Variants in ST6GALNAC3 observed in about 807,000 individuals in gnomAD.
ST6GALNAC3 encodes alpha-N-acetylgalactosaminide alpha-2,6-sialyltransferase 3.
Under a neutral mutation model 32.7 loss-of-function variants are expected in ST6GALNAC3, and 25 were observed. The observed-to-expected ratio is 0.76, with a 90% CI of 0.56 to 1.07. The LOEUF is 1.07. ST6GALNAC3 is among the 50% of genes least tolerant of loss of function. The pLI is 0.00. For missense variants in ST6GALNAC3, 355 were observed against 382.4 expected, an observed-to-expected ratio of 0.93 and a Z score of 0.60; for synonymous variants, 129 against 133.1, an observed-to-expected ratio of 0.97 and a Z score of 0.21.
rs189786457 is a variant in ST6GALNAC3, at chr1:76,529,356, T to C, written c.624-98096T>C. On this transcript the variant is annotated intron_variant, in intron 3 of 4. Coordinates refer to ENST00000328299, the MANE Select transcript of ST6GALNAC3 (RefSeq NM_152996.4). ...AAGCAGGAACCTTTTCTGTCTCACA[T>C]GGATGTTGTAGGGATTAATGAACTA... Among the ~76,000 whole-genome samples the C allele has an allele frequency of 3.9e-3, 589 of 152,282 alleles. 4 individuals carry two copies. The highest frequency in any genetic ancestry group is 0.014 in the African/African-American group (569 of 41,550).
At chr1:76,376,320 T>A (rs949512665) in intron 2 of ST6GALNAC3, among the ~76,000 whole-genome samples, 21 of 152,290 alleles carry the variant, frequency 1.4e-4, no homozygotes, top group Middle Eastern at 3.4e-3. Flanking sequence ...TGCCTTTGTG[T>A]ATTTGCATGT....
At chr1:76,536,487 A>G (rs1233554908) in intron 3 of ST6GALNAC3, among the ~76,000 whole-genome samples, 2 of 151,942 alleles carry the variant, frequency 1.3e-5, no homozygotes, top group African/African-American at 4.8e-5. Context: ...TCTCATGAGA[A>G]CTCACTCAAC....
At chr1:76,555,481 G>C (rs989207104) in intron 3 of ST6GALNAC3, among the ~76,000 whole-genome samples, 2 of 152,090 alleles carry the variant, frequency 1.3e-5, no homozygotes, top group South Asian at 2.1e-4. Context: ...ACAAATCAAT[G>C]TGAAGGGCCC....
intron 2 of ST6GALNAC3, among the ~76,000 whole-genome samples, chr1:76,348,435 T>C (rs887605166): frequency 1.3e-5 from 2 of 152,206 alleles, no homozygotes; most frequent in Non-Finnish European, 2.9e-5. Context: ...TCTGAAGTGC[T>C]ATGCCAACTT....
chr1:76,286,060 G>A (rs1659761003), intron 1 of ST6GALNAC3, among the ~76,000 whole-genome samples: 1 of 152,182 alleles, frequency 6.6e-6, no homozygotes. Context: ...TCTACTGGAA[G>A]GAGGCAGCCA....
intron 3 of ST6GALNAC3, among the ~76,000 whole-genome samples, chr1:76,496,659 C>T (rs1166481371): frequency 5.9e-5 from 9 of 152,046 alleles, no homozygotes; most frequent in African/African-American, 2.2e-4. Context: ...AGAGGACACC[C>T]ATCTCAAAAA....
At chr1:76,119,832 ATCCCTGTTTT>A (rs76813643) in intron 1 of ST6GALNAC3, among the ~76,000 whole-genome samples, 148,568 of 151,816 alleles carry the variant, frequency 0.98, 72,772 homozygotes, top group East Asian at 1. Context: ...GATAGATGTA[ATCCCTGTTTT>A]ATAGGTTTGG....
intron 3 of ST6GALNAC3, among the ~76,000 whole-genome samples, chr1:76,523,834 G>T (rs959023720): frequency 2.0e-5 from 3 of 151,952 alleles, no homozygotes; most frequent in Admixed American, 6.6e-5. Context: ...CCAATTTTTT[G>T]ACTCCAATCC....
chr1:76,420,966 T>G (rs778593588), intron 3 of ST6GALNAC3, among the ~76,000 whole-genome samples: 1 of 152,082 alleles, frequency 6.6e-6, no homozygotes, highest in Non-Finnish European at 1.5e-5. Context: ...TTGTTATTTA[T>G]GTTTAATCTC....
At chr1:76,217,324 G>GA (rs1026844198) in intron 1 of ST6GALNAC3, among the ~76,000 whole-genome samples, 3 of 152,072 alleles carry the variant, frequency 2.0e-5, no homozygotes, top group African/African-American at 7.2e-5. Context: ...AGAGGAAGTG[G>GA]AAAAAGCTTT....
At chr1:76,487,015 A>G (rs537120788) in intron 3 of ST6GALNAC3, among the ~76,000 whole-genome samples, 6 of 152,168 alleles carry the variant, frequency 3.9e-5, no homozygotes, top group Admixed American at 3.3e-4. Context: ...GAAATTCTGG[A>G]TTGAAAATTC....
chr1:76,224,370 G>C (rs1655950871), intron 1 of ST6GALNAC3, among the ~76,000 whole-genome samples: 1 of 152,168 alleles, frequency 6.6e-6, no homozygotes, highest in Non-Finnish European at 1.5e-5. Context: ...TACTGGCCCA[G>C]AGTAAATGCT....
chr1:76,148,726 G>A (rs765176304), intron 1 of ST6GALNAC3, among the ~76,000 whole-genome samples: 6 of 152,176 alleles, frequency 3.9e-5, no homozygotes, highest in Admixed American at 6.5e-5. Context: ...GGCCTCAGTG[G>A]AGGCCAGACA....
intron 2 of ST6GALNAC3, among the ~76,000 whole-genome samples, chr1:76,382,807 G>T (rs74092917): frequency 0.016 from 2,419 of 152,306 alleles, 68 homozygotes; most frequent in African/African-American, 0.055. Context: ...TGGAGTCCCA[G>T]AAATGGGGAA....
intron 3 of ST6GALNAC3, among the ~76,000 whole-genome samples, chr1:76,593,053 A>C (rs1057277127): frequency 4.6e-5 from 7 of 152,170 alleles, no homozygotes; most frequent in African/African-American, 1.7e-4. Flanking sequence ...TAATACTGAA[A>C]ACATGATTTT....
At chr1:76,254,103 A>G (rs970919985) in intron 1 of ST6GALNAC3, among the ~76,000 whole-genome samples, 1 of 152,108 alleles carries the variant, frequency 6.6e-6, no homozygotes. Flanking sequence ...GCTTTTGCAG[A>G]TGGAATGAAT....
intron 3 of ST6GALNAC3, among the ~76,000 whole-genome samples, chr1:76,538,416 T>C (rs537468172): frequency 6.6e-5 from 10 of 152,168 alleles, no homozygotes; most frequent in African/African-American, 2.4e-4. Context: ...CAATATCATA[T>C]TGAATGGGCA....
chr1:76,214,417 T>G (rs1248821045), intron 1 of ST6GALNAC3, among the ~76,000 whole-genome samples: 1 of 152,170 alleles, frequency 6.6e-6, no homozygotes, highest in East Asian at 1.9e-4. Context: ...ATTTTTTTTT[T>G]GAGATGGAGT....
rs561418892 is a variant in ST6GALNAC3 at position 76,431,724 on chromosome 1, G to C, written c.623+19307G>C. Among the ~76,000 whole-genome samples the C allele has an allele frequency of 3.3e-5, 5 of 152,168 alleles. No homozygotes were observed. In the East Asian group the frequency reaches 9.7e-4, roughly 29 times the overall value. ...TTTTCTTTGGGAAGTCCGAATTTTT[G>C]AAGACTTAATACAACCCTGCCCCAA... On this transcript the variant is annotated intron_variant, in intron 3 of 4. Transcript: ENST00000328299.
Sources: allele counts gnomAD v4.1 joint callset (sites outside exome capture counted in the v4.1 genomes callset), GRCh38; gene constraint gnomAD v4.1.1; transcripts MANE v1.5; gene names NCBI Gene and HGNC (gene_info 2026-07-23, HGNC 2026-07-21).